The following EPHA6 variants were observed in gnomAD, a reference collection of about 807,000 sequenced individuals.
EPHA6 encodes ephrin type-A receptor 6.
A neutral mutation model predicts 112.0 loss-of-function variants in EPHA6; 50 were observed. The observed-to-expected ratio is 0.45, with a 90% CI of 0.36 to 0.56. The LOEUF is 0.56. Ranked by LOEUF, EPHA6 falls within the 20% of genes least tolerant of loss-of-function variation. The probability of loss-of-function intolerance (pLI) is 0.00; values close to 1 mark genes in which losing one functional copy is unlikely to be tolerated. For missense variants in EPHA6, 1,280 were observed against 1,417.4 expected, an observed-to-expected ratio of 0.90 and a Z score of 1.56; for synonymous variants, 529 against 490.7, an observed-to-expected ratio of 1.08 and a Z score of -1.03.
chr3:97,539,486 A>G lies in EPHA6; in HGVS notation c.2386+6943A>G, dbSNP rs184601581. Among the ~76,000 whole-genome samples the G allele has an allele frequency of 1.7e-3, 262 of 152,200 alleles. 1 individual carries two copies. Among genetic ancestry groups the G allele is most frequent in the African/African-American group, 6.0e-3 (250 of 41,520 alleles). On this transcript the variant is annotated intron_variant, in intron 11 of 17. Coordinates refer to ENST00000389672, the MANE Select transcript of EPHA6 (RefSeq NM_001080448.3). Reference sequence around the variant, plus strand: ...TCTAAGCATTAGGTGTTCAGTAATGAATAAGAAAGCCAATGTGCCTGTCGT... The same window carrying G: ...TCTAAGCATTAGGTGTTCAGTAATGGATAAGAAAGCCAATGTGCCTGTCGT...
chr3:97,016,091 A>T (rs1292375802), intron 3 of EPHA6, among the ~76,000 whole-genome samples: 1 of 152,112 alleles, frequency 6.6e-6, no homozygotes, highest in Non-Finnish European at 1.5e-5. Flanking sequence ...ATAAAAAGAA[A>T]ATCCCAAAGT....
At chr3:97,507,543 A>T (rs1245640441) in intron 10 of EPHA6, among the ~76,000 whole-genome samples, 1 of 152,044 alleles carries the variant, frequency 6.6e-6, no homozygotes, top group Non-Finnish European at 1.5e-5. Flanking sequence ...AAGCTTTTTG[A>T]TATGCTGGCA....
intron 1 of EPHA6, among the ~76,000 whole-genome samples, chr3:96,865,189 T>C (rs1038094576): frequency 2.6e-5 from 4 of 152,080 alleles, no homozygotes; most frequent in African/African-American, 9.7e-5. Context: ...GAATAGATTT[T>C]AACAATACTA....
At position 97,754,416 on chromosome 3, in the gene EPHA6, T is replaced by TG. The variant is rs1576406723; in HGVS notation, c.*5717dup. ...AGATTTATAGCTTAATGGAAAGACT[T>TG]GGATTCTTTGCTCTTAATTCAAAAG... On this transcript the variant is annotated 3_prime_UTR_variant, in exon 18 of 18. Transcript: ENST00000389672. Among the ~76,000 whole-genome samples, 1 of 152,190 alleles carries TG rather than the reference T, an allele frequency of 6.6e-6. No homozygotes were observed. The highest frequency in any genetic ancestry group is 6.5e-5 in the Admixed American group (1 of 15,286).
chr3:97,673,240 G>A (rs547752286), intron 14 of EPHA6, among the ~76,000 whole-genome samples: 4 of 152,080 alleles, frequency 2.6e-5, no homozygotes, highest in African/African-American at 9.7e-5. Flanking sequence ...TTTTGATAAC[G>A]TCTGTGTGAA....
chr3:97,006,599 A>G (rs929820555), intron 3 of EPHA6, among the ~76,000 whole-genome samples: 84 of 150,936 alleles, frequency 5.6e-4, no homozygotes, highest in Non-Finnish European at 2.1e-4. Flanking sequence ...TCTTGTCTCT[A>G]TCTCTTTCAG....
intron 3 of EPHA6, among the ~76,000 whole-genome samples, chr3:97,207,321 G>A (rs1316015342): frequency 1.3e-5 from 2 of 152,066 alleles, no homozygotes; most frequent in Non-Finnish European, 2.9e-5. Flanking sequence ...TGCAAAGTAC[G>A]GTCTTAGAGT....
At chr3:97,080,054 A>G (rs1304157487) in intron 3 of EPHA6, among the ~76,000 whole-genome samples, 1 of 152,142 alleles carries the variant, frequency 6.6e-6, no homozygotes, top group Non-Finnish European at 1.5e-5. Flanking sequence ...TTATTGTGAA[A>G]TGCAGTTTAT....
intron 10 of EPHA6, among the ~76,000 whole-genome samples, chr3:97,512,106 G>T (rs1577626756): frequency 6.6e-6 from 1 of 152,058 alleles, no homozygotes; most frequent in Non-Finnish European, 1.5e-5. Context: ...AAAATAATAA[G>T]GTTTACATTA....
intron 7 of EPHA6, among the ~76,000 whole-genome samples, chr3:97,469,190 C>T (rs970533093): frequency 3.3e-5 from 5 of 151,578 alleles, no homozygotes; most frequent in Non-Finnish European, 5.9e-5. Context: ...CTATTTGATC[C>T]TAAACTCCTG....
chr3:97,083,296 T>C (rs374532160), intron 3 of EPHA6, among the ~76,000 whole-genome samples: 1 of 152,006 alleles, frequency 6.6e-6, no homozygotes, highest in South Asian at 2.1e-4. Context: ...AACCATTCTT[T>C]AGTGTGACAG....
At chr3:97,395,285 A>T (rs978720032) in intron 5 of EPHA6, among the ~76,000 whole-genome samples, 1 of 151,880 alleles carries the variant, frequency 6.6e-6, no homozygotes, top group Non-Finnish European at 1.5e-5. Context: ...AGAAAAAAAC[A>T]TAAAAACAAA....
chr3:97,255,689 A>G (rs2079288409), intron 5 of EPHA6, among the ~76,000 whole-genome samples: 1 of 152,228 alleles, frequency 6.6e-6, no homozygotes, highest in Admixed American at 6.5e-5. Flanking sequence ...TAAATGTAGC[A>G]TAAATTAAAG....
intron 3 of EPHA6, among the ~76,000 whole-genome samples, chr3:97,144,319 A>G (rs571252096): frequency 5.3e-5 from 8 of 151,802 alleles, no homozygotes; most frequent in African/African-American, 1.9e-4. Context: ...TATAATTTAC[A>G]CATTTAAAAT....
intron 3 of EPHA6, among the ~76,000 whole-genome samples, chr3:97,130,854 T>A (rs2048318279): frequency 6.6e-6 from 1 of 152,166 alleles, no homozygotes; most frequent in Non-Finnish European, 1.5e-5. Flanking sequence ...TCACCCTTAT[T>A]ATAAACAAAC....
At position 96,947,818 on chromosome 3, in the gene EPHA6, A is replaced by C. The variant is rs549979011; in HGVS notation, c.451-39512A>C. Among the ~76,000 whole-genome samples the C allele has an allele frequency of 3.3e-5, 5 of 152,300 alleles. No individual in the cohort carries two copies. In the East Asian group the frequency reaches 7.7e-4, roughly 24 times the overall value. On this transcript the variant is annotated intron_variant, in intron 2 of 17. Coordinates refer to ENST00000389672, the MANE Select transcript of EPHA6 (RefSeq NM_001080448.3). ...GAATCAATATCATGAAAATGGCCAT[A>C]CTGCCCAAGGTAACTTATAGATTCA... is the stretch of plus-strand genomic sequence containing the variant.
chr3:97,094,419 G>A (rs2047174979), intron 3 of EPHA6, among the ~76,000 whole-genome samples: 1 of 152,008 alleles, frequency 6.6e-6, no homozygotes, highest in Admixed American at 6.6e-5. Flanking sequence ...TATATCTCCT[G>A]TCATAACAAG....
chr3:97,010,425 A>G (rs2044043005), intron 3 of EPHA6, among the ~76,000 whole-genome samples: 2 of 152,198 alleles, frequency 1.3e-5, no homozygotes, highest in Non-Finnish European at 2.9e-5. Flanking sequence ...ACAAAGCTTA[A>G]AATATTTACT....
chr3:97,750,137 G>A lies in EPHA6; in HGVS notation c.*1436G>A, dbSNP rs919664482. Reference sequence around the variant, plus strand: ...AACTAAAAAAATGACGACTGTTTTAGGTGAAAGAGTAAGTAAAATGTGTTG... The same window carrying A: ...AACTAAAAAAATGACGACTGTTTTAAGTGAAAGAGTAAGTAAAATGTGTTG... On this transcript the variant is annotated 3_prime_UTR_variant, in exon 18 of 18. Coordinates refer to ENST00000389672, the MANE Select transcript of EPHA6 (RefSeq NM_001080448.3). 1.3e-5 allele frequency among the ~76,000 whole-genome samples: 2 copies of A among 152,038 alleles called. No homozygotes were observed. Among genetic ancestry groups the A allele is most frequent in the Non-Finnish European group, 2.9e-5 (2 of 68,014 alleles).
Sources: gnomAD v4.1 joint callset for allele counts (sites outside exome capture counted in the v4.1 genomes callset) on GRCh38, gnomAD v4.1.1 for gene constraint, MANE v1.5 for transcripts, NCBI Gene and HGNC (gene_info 2026-07-23, HGNC 2026-07-21) for gene names.